The following PLP2 variants were observed in gnomAD, a reference collection of about 807,000 sequenced individuals.
The protein encoded by PLP2 is proteolipid protein 2.
In PLP2, 8 loss-of-function variants were observed where a neutral mutation model predicts 11.4. The observed-to-expected ratio is 0.70, with a 90% CI of 0.41 to 1.27. The LOEUF (loss-of-function observed/expected upper bound fraction) is 1.27. PLP2 is among the 50% of genes most tolerant of loss of function. PLP2 has a pLI of 0.01. For missense variants in PLP2, 127 were observed against 123.5 expected (o/e 1.03, Z -0.14); for synonymous variants, 50 against 53.2 (o/e 0.94, Z 0.26).
At chrX:49,173,715 C>T (rs970047209) in intron 3 of PLP2, 14 of 629,785 alleles carry the variant, frequency 2.2e-5, no homozygotes, top group Middle Eastern at 5.0e-4. Context: ...TACAAACAGG[C>T]GGCCCCTTTG....
At position 49,173,132 on chromosome X, in the gene PLP2, T is replaced by C. The variant is rs190906684; in HGVS notation, c.100T>C (p.Leu34=). 5.6e-5 allele frequency: 68 copies of C among 1,208,195 alleles called. No homozygotes were observed. The highest frequency in any genetic ancestry group is 3.1e-4 in the Admixed American group (14 of 45,749). The change falls in exon 2 of 5, where the codon TTA becomes CTA. Residue 34 remains leucine, a synonymous_variant. Transcript: ENST00000376327. ...CTTTCCCATGTCACCCTTCCAGATA[T>C]TATGCCTGGTGATCCTGATCTGCTT... is the stretch of plus-strand genomic sequence containing the variant. ...KGILLFAEII[L]CLVILICFSA... is the part of the protein sequence containing the mutation.
chrX:49,173,518 C>A (rs781803667), intron 3 of PLP2, 35 bp downstream of exon 3: 2 of 1,211,274 alleles, frequency 1.7e-6, no homozygotes, highest in East Asian at 5.9e-5. Context: ...AAGCACAGAG[C>A]GAAGGGTTTG....
chrX:49,174,508 C>G, intron 4 of PLP2, 83 bp downstream of exon 4: 2 of 914,993 alleles, frequency 2.2e-6, no homozygotes, highest in Admixed American at 4.5e-5. Flanking sequence ...CTTAAAGGCA[C>G]GAATGCCAAC....
Position 49,174,337 on chromosome X carries a change from A to T in PLP2, c.348A>T (p.Val116=). The T allele has an allele frequency of 1.7e-6, 2 of 1,201,834 alleles. No homozygotes were observed. Among genetic ancestry groups the T allele is most frequent in the Non-Finnish European group, 2.3e-6 (2 of 886,504 alleles). Residue 116 remains valine (V), a splice_region_variant and synonymous_variant, in exon 4 of 5, where the codon GTA becomes GTT. Coordinates refer to ENST00000376327, the MANE Select transcript of PLP2 (RefSeq NM_002668.3). ...RGNHSKIVAG[V]LGLIATCLFG... is the part of the protein sequence containing the mutation. ...CTCACTCCTATCCTGTCCCCCAGGT[A>T]CTGGGCCTAATCGCTACGTGCCTCT...
chrX:49,172,496 C>T (rs1018608062), intron 1 of PLP2, among the ~76,000 whole-genome samples: 1 of 111,230 alleles, frequency 9.0e-6, no homozygotes, highest in South Asian at 3.7e-4. Flanking sequence ...TGGGGTGGGG[C>T]CCCCCCGCCC....
chrX:49,173,354 C>T (rs2065399001), intron 2 of PLP2, 34 bp from the exon 3 acceptor site: 1 of 1,205,031 alleles, frequency 8.3e-7, no homozygotes, highest in Non-Finnish European at 1.1e-6. Context: ...ACTGTGGTTG[C>T]TGACTTCCCT....
chrX:49,174,472 G>A, intron 4 of PLP2, 47 bp downstream of exon 4: 3 of 1,064,420 alleles, frequency 2.8e-6, no homozygotes, highest in Non-Finnish European at 3.9e-6. Flanking sequence ...TTGCTGAGAG[G>A]GCAGAGGGAA....
chrX:49,171,940 T>A lies in PLP2; in HGVS notation c.-61T>A. On this transcript the variant is annotated 5_prime_UTR_variant, in exon 1 of 5. Transcript: ENST00000376327. ...GGGCAAGACAGCTGGGTGTACAGCG[T>A]CCTCGAAACCACGAGCAAGTGAGCA... The A allele has an allele frequency of 1.2e-6, 1 of 816,899 alleles. No individual in the cohort carries two copies. Among genetic ancestry groups the A allele is most frequent in the Non-Finnish European group, 1.8e-6 (1 of 548,908 alleles). The allele number at this position is 816,899 out of a possible 1,213,427, so 67.3% of individuals were successfully genotyped here.
At chrX:49,174,043 CCA>C (rs781792932) in intron 3 of PLP2, among the ~76,000 whole-genome samples, 3 of 110,765 alleles carry the variant, frequency 2.7e-5, no homozygotes, top group Non-Finnish European at 3.8e-5. Context: ...CACTCCAGCC[CCA>C]GTGACAGATG....
chrX:49,173,111 C>T lies in PLP2; in HGVS notation c.97-18C>T. ...CTGGTTGCTGATTGAGGTCCCCTTT[C>T]CCATGTCACCCTTCCAGATATTATG... is the stretch of plus-strand genomic sequence containing the variant. On this transcript the variant is annotated intron_variant, in intron 1 of 4. Transcript: ENST00000376327. 1 of 1,207,849 alleles carries T rather than the reference C, an allele frequency of 8.3e-7. No homozygotes were observed. Among genetic ancestry groups the T allele is most frequent in the South Asian group, 1.8e-5 (1 of 56,775 alleles).
chrX:49,174,515 C>A, intron 4 of PLP2, 90 bp downstream of exon 4: 1 of 897,637 alleles, frequency 1.1e-6, no homozygotes, highest in Middle Eastern at 2.7e-4. Context: ...GCACGAATGC[C>A]AACTCTGGTC....
Position 49,172,076 on chromosome X carries a change from ATCC to A in PLP2, c.81_83del (p.Leu28del), listed in dbSNP as rs782804665. The A allele has an allele frequency of 1.7e-6, 2 of 1,202,792 alleles. No individual in the cohort carries two copies. Among genetic ancestry groups the A allele is most frequent in the Admixed American group, 4.3e-5 (2 of 45,999 alleles). On this transcript the variant is annotated inframe_deletion, in exon 1 of 5. Transcript: ENST00000376327. ...CAACTTCTCGCGCACTCGAAAGGGA[ATCC>A]TCCTGTTTGCTGAGATTGTGAGCGT...
Position 49,174,879 on chromosome X carries a change from A to T in PLP2, c.*185A>T, listed in dbSNP as rs1348196311. 2 of 492,977 alleles carry T rather than the reference A, an allele frequency of 4.1e-6. No homozygotes were observed. The highest frequency in any genetic ancestry group is 7.4e-6 in the Non-Finnish European group (2 of 271,045). The allele number at this position is 492,977 out of a possible 1,213,427, so 40.6% of individuals were successfully genotyped here. A position where few individuals can be genotyped will look rare whatever the true frequency, so the allele number is the denominator to read the frequency against. On this transcript the variant is annotated 3_prime_UTR_variant, in exon 5 of 5. Coordinates refer to ENST00000376327, the MANE Select transcript of PLP2 (RefSeq NM_002668.3). ...CAACCCTCCTGGGTGTGGCCACCAT[A>T]TGTGTGTGCCTAGGTCCTCCTTCTG...
Position 49,173,155 on chromosome X carries a change from C to T in PLP2, c.123C>T (p.Cys41=), listed in dbSNP as rs2065398069. 1.7e-6 allele frequency: 2 copies of T among 1,209,634 alleles called. No homozygotes were observed. The highest frequency in any genetic ancestry group is 1.1e-6 in the Non-Finnish European group (1 of 893,691). Residue 41 remains cysteine (C), a synonymous_variant, in exon 2 of 5, where the codon TGC becomes TGT. Transcript: ENST00000376327. ...TATTATGCCTGGTGATCCTGATCTG[C>T]TTCAGTGCCTCCACACCAGGCTACT... ...EIILCLVILI[C]FSASTPGYSS...
chrX:49,174,353 A>G lies in PLP2; in HGVS notation c.364A>G (p.Thr122Ala). ...CCCCCAGGTACTGGGCCTAATCGCT[A>G]CGTGCCTCTTTGGCTATGATGCCTA... ...IVAGVLGLIA[T>A]CLFGYDAYVT... The change falls in exon 4 of 5, where the codon ACG (threonine) becomes GCG (alanine). Residue 122 changes from threonine to alanine, a missense_variant. Thr to Ala is a moderately conservative substitution (Grantham distance 58). Coordinates refer to ENST00000376327, the MANE Select transcript of PLP2 (RefSeq NM_002668.3). 2 of 1,207,325 alleles carry G rather than the reference A, an allele frequency of 1.7e-6. No homozygotes were observed. The highest frequency in any genetic ancestry group is 2.2e-6 in the Non-Finnish European group (2 of 893,039).
intron 1 of PLP2, 85 bp downstream of exon 1, chrX:49,172,181 C>T (rs951989540): frequency 2.8e-6 from 2 of 716,453 alleles, no homozygotes; most frequent in Non-Finnish European, 4.3e-6. Context: ...GTGAGGCAGG[C>T]ACTTGGCCGG....
chrX:49,173,931 A>T (rs1259223476), intron 3 of PLP2, among the ~76,000 whole-genome samples: 1 of 111,300 alleles, frequency 9.0e-6, no homozygotes, highest in Non-Finnish European at 1.9e-5. Flanking sequence ...TCAGCCGGGC[A>T]TGGTGGTGGG....
intron 1 of PLP2, among the ~76,000 whole-genome samples, chrX:49,172,503 G>A (rs996362033): frequency 1.8e-5 from 2 of 111,890 alleles, no homozygotes; most frequent in African/African-American, 3.2e-5. Flanking sequence ...GGGCCCCCCC[G>A]CCCCGCGCTA....
Position 49,172,054 on chromosome X carries a change from C to T in PLP2, c.54C>T (p.Asn18=). Residue 18 remains asparagine, a synonymous_variant, in exon 1 of 5, where the codon AAC becomes AAT. Transcript: ENST00000376327. The part of the protein sequence containing the change: ...SAPGCWAACT[N]FSRTRKGILL... ...CTGGCTGCTGGGCCGCCTGCACCAA[C>T]TTCTCGCGCACTCGAAAGGGAATCC... 8.3e-7 allele frequency: 1 copy of T among 1,208,466 alleles called. No homozygotes were observed. Among genetic ancestry groups the T allele is most frequent in the South Asian group, 1.8e-5 (1 of 56,749 alleles).
Sources: allele counts gnomAD v4.1 joint callset (sites outside exome capture counted in the v4.1 genomes callset), GRCh38; gene constraint gnomAD v4.1.1; transcripts MANE v1.5; gene names NCBI Gene and HGNC (gene_info 2026-07-23, HGNC 2026-07-21).